Variants in MEGF10 observed in about 807,000 individuals in gnomAD.
MEGF10 encodes the protein multiple EGF like domains 10.
Under a neutral mutation model 147.5 loss-of-function variants are expected in MEGF10, and 86 were observed. The observed-to-expected ratio is 0.58, with a 90% confidence interval of 0.49 to 0.70. MEGF10 has a LOEUF of 0.70. Among genes scored for constraint, MEGF10 ranks in the 30% least tolerant of loss-of-function variants. The probability of loss-of-function intolerance (pLI) is 0.00; values close to 1 mark genes in which losing one functional copy is unlikely to be tolerated. For missense variants in MEGF10, 1,329 were observed against 1,487.3 expected (o/e 0.89, Z 1.75); for synonymous variants, 478 against 525.5 (o/e 0.91, Z 1.24).
the MEGF10 span, among the ~76,000 whole-genome samples, chr5:127,230,497 G>C: frequency 1.1e-4 from 17 of 152,148 alleles, no homozygotes; most frequent in African/African-American, 3.6e-4. Context: ...GGGAGTCCCA[G>C]ATCTTAGTTC....
At chr5:127,439,991 G>A (rs1765695795) in intron 17 of MEGF10, among the ~76,000 whole-genome samples, 1 of 152,192 alleles carries the variant, frequency 6.6e-6, no homozygotes, top group Admixed American at 6.5e-5. Flanking sequence ...AAAATGAAAA[G>A]CATATGTAAT....
intron 1 of MEGF10, among the ~76,000 whole-genome samples, chr5:127,302,257 A>T (rs1244864979): frequency 6.6e-6 from 1 of 152,218 alleles, no homozygotes; most frequent in Non-Finnish European, 1.5e-5. Context: ...ACAAAATGTG[A>T]TATATTTACA....
At chr5:127,386,797 G>T (rs1442582247) in intron 5 of MEGF10, among the ~76,000 whole-genome samples, 1 of 152,240 alleles carries the variant, frequency 6.6e-6, no homozygotes, top group African/African-American at 2.4e-5. Flanking sequence ...GTTGGAGGAT[G>T]TTTTTCTAGG....
intron 8 of MEGF10, among the ~76,000 whole-genome samples, chr5:127,408,028 T>C (rs748329151): frequency 1.3e-5 from 2 of 152,202 alleles, no homozygotes; most frequent in Non-Finnish European, 2.9e-5. Flanking sequence ...TTGTTTTATA[T>C]TTATAATGCA....
At chr5:127,267,311 G>T in the MEGF10 span, among the ~76,000 whole-genome samples, 2 of 152,080 alleles carry the variant, frequency 1.3e-5, no homozygotes, top group Admixed American at 6.5e-5. Context: ...ATGTGCTGCT[G>T]GATTCATTTT....
At chr5:127,452,230 C>G (rs1766179644) in intron 22 of MEGF10, among the ~76,000 whole-genome samples, 1 of 152,222 alleles carries the variant, frequency 6.6e-6, no homozygotes, top group Non-Finnish European at 1.5e-5. Flanking sequence ...ACTATCTGCT[C>G]CATGCTGGTT....
At chr5:127,336,542 C>G (rs1460905562) in intron 2 of MEGF10, among the ~76,000 whole-genome samples, 2 of 151,998 alleles carry the variant, frequency 1.3e-5, no homozygotes, top group African/African-American at 2.4e-5. Flanking sequence ...CTTTTTGGTT[C>G]CTAGAAACCA....
At chr5:127,385,679 T>C (rs1763401621) in intron 5 of MEGF10, among the ~76,000 whole-genome samples, 1 of 152,348 alleles carries the variant, frequency 6.6e-6, no homozygotes, top group Non-Finnish European at 1.5e-5. Flanking sequence ...TATGATAAGC[T>C]TGAGTTCTAA....
chr5:127,248,842 C>G, the MEGF10 span, among the ~76,000 whole-genome samples: 12 of 150,582 alleles, frequency 8.0e-5, no homozygotes, highest in Admixed American at 8.0e-4. Flanking sequence ...AATCAATCTG[C>G]AGATCTAAAA....
At position 127,365,775 on chromosome 5, in the gene MEGF10, C is replaced by T. The variant is rs913961442; in HGVS notation, c.320-4135C>T. Among the ~76,000 whole-genome samples the T allele has an allele frequency of 1.2e-4, 19 of 152,062 alleles. 1 individual carries two copies. The highest frequency in any genetic ancestry group is 1.9e-4 in the Non-Finnish European group (13 of 68,016). On this transcript the variant is annotated intron_variant, in intron 4 of 24. Transcript: ENST00000503335. Reference sequence around the variant, plus strand: ...GATCTTTAATGATTTTCTTAAAGATCGGTGCAGAAAAGAAATCATATTGGA... The same window carrying T: ...GATCTTTAATGATTTTCTTAAAGATTGGTGCAGAAAAGAAATCATATTGGA...
At chr5:127,325,275 T>C (rs937651782) in intron 1 of MEGF10, among the ~76,000 whole-genome samples, 2 of 152,220 alleles carry the variant, frequency 1.3e-5, no homozygotes, top group African/African-American at 4.8e-5. Context: ...ATTTTGATTA[T>C]AATTTTTTCC....
chr5:127,361,805 A>T (rs1199388130), intron 4 of MEGF10, among the ~76,000 whole-genome samples: 1 of 152,146 alleles, frequency 6.6e-6, no homozygotes, highest in Admixed American at 6.5e-5. Flanking sequence ...GAAGTATGTT[A>T]TTCAGTTCCA....
At chr5:127,445,787 G>T (rs2127025335) in intron 20 of MEGF10, 94 bp downstream of exon 20, 3 of 880,136 alleles carry the variant, frequency 3.4e-6, no homozygotes, top group Non-Finnish European at 5.6e-6. Context: ...GCTGTCCATT[G>T]TTTCTGTCAA....
intron 17 of MEGF10, 25 bp from the exon 18 acceptor site, chr5:127,440,714 C>A: frequency 6.2e-7 from 1 of 1,612,214 alleles, no homozygotes; most frequent in South Asian, 1.1e-5. Context: ...CCTCTTGACT[C>A]CTACTGTCCT....
intron 1 of MEGF10, among the ~76,000 whole-genome samples, chr5:127,323,060 A>AT: frequency 6.6e-6 from 1 of 152,182 alleles, no homozygotes; most frequent in South Asian, 2.1e-4. Flanking sequence ...TCTTTGTGGT[A>AT]TTTTTGTAAC....
At chr5:127,259,346 A>C in the MEGF10 span, among the ~76,000 whole-genome samples, 1 of 152,130 alleles carries the variant, frequency 6.6e-6, no homozygotes, top group East Asian at 1.9e-4. Flanking sequence ...TTGAGCTTCC[A>C]TTCTATTTGG....
At chr5:127,438,689 C>T in intron 17 of MEGF10, 122 bp downstream of exon 17, 1 of 961,162 alleles carries the variant, frequency 1.0e-6, no homozygotes, top group East Asian at 2.5e-5. Flanking sequence ...ACTTCCCTCT[C>T]CTAATGACCT....
the MEGF10 span, among the ~76,000 whole-genome samples, chr5:127,238,338 G>A: frequency 6.6e-6 from 1 of 152,044 alleles, no homozygotes; most frequent in Non-Finnish European, 1.5e-5. Context: ...TTACAGGTGT[G>A]AGCCACCATG....
chr5:127,265,332 T>G, the MEGF10 span, among the ~76,000 whole-genome samples: 25 of 152,276 alleles, frequency 1.6e-4, no homozygotes, highest in African/African-American at 5.5e-4. Flanking sequence ...ATGGACATTT[T>G]GGTTGGTTCC....
Sources: gnomAD v4.1 joint callset for allele counts (sites outside exome capture counted in the v4.1 genomes callset) on GRCh38, gnomAD v4.1.1 for gene constraint, MANE v1.5 for transcripts, NCBI Gene and HGNC (gene_info 2026-07-23, HGNC 2026-07-21) for gene names.